SENP5: variants seen among roughly 807,000 people sequenced by gnomAD.
The protein encoded by SENP5 is SUMO specific peptidase 5, also known as sentrin-specific protease 5.
In SENP5, 21 loss-of-function variants were observed where a neutral mutation model predicts 74.2. The ratio of observed to expected loss-of-function variants is 0.28; its 90% CI spans 0.20 to 0.41. The LOEUF (loss-of-function observed/expected upper bound fraction) is 0.41. SENP5 is among the 10% of genes least tolerant of loss of function. The pLI, the probability that SENP5 is intolerant of heterozygous loss-of-function variation, is 1.00. For synonymous variants in SENP5, 311 were observed against 312.7 expected, an observed-to-expected ratio of 0.99 and a Z score of 0.06; for missense variants, 717 against 889.1, an observed-to-expected ratio of 0.81 and a Z score of 2.46.
At chr3:196,914,586 A>AAAAAAAAATATATATATATATATATAT in intron 6 of SENP5, 1 of 33,500 alleles carries the variant, frequency 3.0e-5, no homozygotes, top group Non-Finnish European at 5.1e-5. Flanking sequence ...AAAAAAAAAA[A>AAAAAAAAATATATATATATATATATAT]ATATATATAT....
intron 6 of SENP5, among the ~76,000 whole-genome samples, chr3:196,906,266 G>T (rs1714901011): frequency 6.6e-6 from 1 of 152,088 alleles, no homozygotes; most frequent in Admixed American, 6.6e-5. Flanking sequence ...TTAGGGAGTT[G>T]TATGCCAGGA....
In SENP5 at chr3:196,931,038, A is replaced by G. The variant is rs757040888; in HGVS notation, c.*115A>G. On this transcript the variant is annotated 3_prime_UTR_variant, in exon 10 of 10. Transcript: ENST00000323460. The stretch of plus-strand genomic sequence containing the variant: ...TATTTCAGATCAGTGGTGTTGGGCC[A>G]CTATTGTTACCTCAAATTTATTTTT... The G allele has an allele frequency of 1.8e-5, 12 of 671,812 alleles. No homozygotes were observed. The Middle Eastern group carries it at 7.5e-4, about 42-fold the overall frequency. 41.6% of individuals were successfully genotyped at this position (671,812 alleles called of 1,614,324 possible).
intron 7 of SENP5, 30 bp from the exon 8 acceptor site, chr3:196,927,766 G>T: frequency 7.6e-7 from 1 of 1,317,786 alleles, no homozygotes. Context: ...ATGGAACACA[G>T]CATCTGTGTT....
chr3:196,877,162 A>G (rs1428358774), intron 1 of SENP5, among the ~76,000 whole-genome samples: 1 of 152,014 alleles, frequency 6.6e-6, no homozygotes, highest in South Asian at 2.1e-4. Context: ...TTACTACCTT[A>G]TTTTATTTTT....
intron 6 of SENP5, chr3:196,914,586 A>AATATATATATATATATATATAT (rs55692471): frequency 3.0e-5 from 1 of 33,500 alleles, no homozygotes; most frequent in African/African-American, 1.8e-4. Context: ...AAAAAAAAAA[A>AATATATATATATATATATATAT]ATATATATAT....
At chr3:196,914,587 ATATATAT>A (rs1430890104) in intron 6 of SENP5, 3 of 39,608 alleles carry the variant, frequency 7.6e-5, no homozygotes, top group Admixed American at 2.3e-4. Context: ...AAAAAAAAAA[ATATATAT>A]ATATATATAT....
intron 2 of SENP5, 56 bp from the exon 3 acceptor site, chr3:196,899,608 ACT>A (rs1239710565): frequency 4.1e-5 from 41 of 1,006,956 alleles, no homozygotes; most frequent in Middle Eastern, 2.2e-4. Flanking sequence ...TTGGAGAATG[ACT>A]CTACTGAAAA....
chr3:196,926,324 A>G (rs1175792872), intron 7 of SENP5, among the ~76,000 whole-genome samples: 4 of 151,856 alleles, frequency 2.6e-5, no homozygotes, highest in Admixed American at 1.3e-4. Flanking sequence ...TCTATTAAAA[A>G]TACAAAAATT....
rs1357034334 is a variant in SENP5, at chr3:196,899,636, TCTTAA to T, written c.1514-26_1514-22del. 7 of 1,429,684 alleles carry T rather than the reference TCTTAA, an allele frequency of 4.9e-6. No individual in the cohort carries two copies. The East Asian group carries it at 9.1e-5, about 19-fold the overall frequency. The allele number at this position is 1,429,684 out of a possible 1,614,324, so 88.6% of individuals were successfully genotyped here. On this transcript the variant is annotated intron_variant, in intron 2 of 9. Coordinates refer to ENST00000323460, the MANE Select transcript of SENP5 (RefSeq NM_152699.5). The stretch of plus-strand genomic sequence containing the variant: ...CTACTGAAAATGGCTTGTTTTTCCA[TCTTAA>T]CTTTTCTTTCTTCCTTTATTTAAGG...
At chr3:196,900,536 A>G (rs141697988) in intron 5 of SENP5, 124 bp downstream of exon 5, 30 of 708,116 alleles carry the variant, frequency 4.2e-5, no homozygotes, top group African/African-American at 1.1e-4. Flanking sequence ...GAAGAGTTCA[A>G]TTTTTTCTTG....
intron 1 of SENP5, among the ~76,000 whole-genome samples, chr3:196,870,587 T>C (rs948234216): frequency 4.6e-5 from 7 of 152,114 alleles, no homozygotes; most frequent in Admixed American, 4.6e-4. Context: ...GCTTGATCTC[T>C]GCTCACTGCA....
In SENP5 at chr3:196,929,619, G is replaced by A. The variant is rs764697290; in HGVS notation, c.2107-14G>A. The A allele has an allele frequency of 3.4e-6, 5 of 1,470,386 alleles. No individual in the cohort carries two copies. Among genetic ancestry groups the A allele is most frequent in the Non-Finnish European group, 4.7e-6 (5 of 1,073,074 alleles). The allele number at this position is 1,470,386 out of a possible 1,614,324, so 91.1% of individuals were successfully genotyped here. On this transcript the variant is annotated splice_polypyrimidine_tract_variant and intron_variant, in intron 8 of 9. Transcript: ENST00000323460. ...TGGATCTTGTTTTAATGACTATTTTGTTTTTCCCTTCAGTGTATTCCACAA... is the reference window on the plus strand; with the variant it reads ...TGGATCTTGTTTTAATGACTATTTTATTTTTCCCTTCAGTGTATTCCACAA...
Position 196,886,443 on chromosome 3 carries a change from C to G in SENP5, c.1262C>G (p.Ser421Cys). Reference protein sequence around the residue: ...VKLSVSGADTSVSSVDGPVSQ... With the variant: ...VKLSVSGADTCVSSVDGPVSQ... Reference sequence around the variant, plus strand: ...CTGTCAGTGTCTGGAGCAGATACATCTGTGAGTAGCGTAGATGGGCCTGTG... The same window carrying G: ...CTGTCAGTGTCTGGAGCAGATACATGTGTGAGTAGCGTAGATGGGCCTGTG... The change falls in exon 2 of 10, where the codon TCT (serine) becomes TGT (cysteine). Residue 421 changes from serine (S) to cysteine (C), a missense_variant. Coordinates refer to ENST00000323460, the MANE Select transcript of SENP5 (RefSeq NM_152699.5). The G allele has an allele frequency of 6.2e-7, 1 of 1,610,136 alleles. No individual in the cohort carries two copies. Among genetic ancestry groups the G allele is most frequent in the South Asian group, 1.1e-5 (1 of 90,510 alleles).
intron 1 of SENP5, among the ~76,000 whole-genome samples, chr3:196,870,417 T>A (rs1713161422): frequency 6.6e-6 from 1 of 152,234 alleles, no homozygotes; most frequent in Non-Finnish European, 1.5e-5. Context: ...TAGCAATTCC[T>A]ACTCTATTAT....
intron 8 of SENP5, 175 bp from the exon 9 acceptor site, chr3:196,929,457 CT>C: frequency 1.9e-6 from 1 of 530,384 alleles, no homozygotes; most frequent in Non-Finnish European, 3.3e-6. Flanking sequence ...CCTGATAGCT[CT>C]TTTTATGTGG....
At chr3:196,898,856 C>A (rs1004086381) in intron 2 of SENP5, among the ~76,000 whole-genome samples, 2 of 151,930 alleles carry the variant, frequency 1.3e-5, no homozygotes, top group Non-Finnish European at 1.5e-5. Context: ...CGATTCCATT[C>A]AATTCCGTTC....
At chr3:196,929,778 T>C in intron 9 of SENP5, 95 bp downstream of exon 9, 1 of 828,910 alleles carries the variant, frequency 1.2e-6, no homozygotes. Flanking sequence ...GTGTATATGA[T>C]GCTAGGTACG....
In SENP5 at chr3:196,892,760, GTCTAT is replaced by G. The variant is rs1289699584; in HGVS notation, c.1513+6067_1513+6071del. On this transcript the variant is annotated intron_variant, in intron 2 of 9. Transcript: ENST00000323460. ...CTGGTAACTACCGTTGATTCTCTAC[GTCTAT>G]GAGTTTGACTTTAGATTCCACATGT... Among the ~76,000 whole-genome samples the G allele has an allele frequency of 2.3e-4, 35 of 151,954 alleles. No homozygotes were observed. In the South Asian group the frequency reaches 4.6e-3, roughly 20 times the overall value.
intron 2 of SENP5, 26 bp from the exon 3 acceptor site, chr3:196,899,640 A>G: frequency 6.8e-7 from 1 of 1,462,398 alleles, no homozygotes; most frequent in Non-Finnish European, 9.6e-7. Flanking sequence ...TTTCCATCTT[A>G]ACTTTTCTTT....
Sources: gnomAD v4.1 joint callset for allele counts (sites outside exome capture counted in the v4.1 genomes callset) on GRCh38, gnomAD v4.1.1 for gene constraint, MANE v1.5 for transcripts, NCBI Gene and HGNC (gene_info 2026-07-23, HGNC 2026-07-21) for gene names.